ZCCHC2: variants seen among roughly 807,000 people sequenced by gnomAD.
ZCCHC2 encodes the protein zinc finger CCHC domain-containing protein 2.
Under a neutral mutation model 103.6 loss-of-function variants are expected in ZCCHC2, and 39 were observed. That is an observed-to-expected ratio of 0.38 (90% CI 0.29 to 0.49). ZCCHC2 has a LOEUF of 0.49. Ranked by LOEUF, ZCCHC2 falls within the 20% of genes least tolerant of loss-of-function variation. ZCCHC2 has a pLI of 0.96. For missense variants in ZCCHC2, 1,483 were observed against 1,491.0 expected (o/e 0.99, Z 0.09); for synonymous variants, 687 against 608.9 (o/e 1.13, Z -1.89).
chr18:62,578,309 CAGTTG>C lies in ZCCHC2; in HGVS notation c.*1736_*1740del, dbSNP rs1340275666. ...CATTATTAAATTAATTGTTAAGCTG[CAGTTG>C]AGTTGTTCAAGTGAGAGTTTTGATA... On this transcript the variant is annotated 3_prime_UTR_variant, in exon 14 of 14. Transcript: ENST00000269499. The C allele has an allele frequency of 2.6e-5, 4 of 152,532 alleles. No homozygotes were observed. Among genetic ancestry groups the C allele is most frequent in the African/African-American group, 9.7e-5 (4 of 41,416 alleles). The allele number at this position is 152,532 out of a possible 1,614,324, so 9.4% of individuals were successfully genotyped here.
chr18:62,567,944 C>CAAAAAA (rs71888422), intron 11 of ZCCHC2, among the ~76,000 whole-genome samples: 1,904 of 81,306 alleles, frequency 0.023, 104 homozygotes, highest in African/African-American at 0.031. Flanking sequence ...GACTCTGTCT[C>CAAAAAA]AAAAAAAAAA....
At chr18:62,563,376 T>G (rs1446034620) in intron 9 of ZCCHC2, among the ~76,000 whole-genome samples, 4 of 152,142 alleles carry the variant, frequency 2.6e-5, no homozygotes, top group African/African-American at 9.7e-5. Context: ...ATATGACACC[T>G]TCCCAGGCGC....
chr18:62,552,891 T>TAAA (rs35372929), intron 5 of ZCCHC2, among the ~76,000 whole-genome samples: 10 of 141,230 alleles, frequency 7.1e-5, no homozygotes, highest in East Asian at 4.1e-4. Flanking sequence ...CCCTGTCTCT[T>TAAA]AAAAAAAAAA....
intron 12 of ZCCHC2, among the ~76,000 whole-genome samples, chr18:62,573,290 C>G (rs748925132): frequency 5.3e-5 from 8 of 152,226 alleles, no homozygotes. Context: ...CAGATTTTAT[C>G]CTTGTCCCCT....
rs2145478002 is a variant in ZCCHC2 at position 62,523,654 on chromosome 18, C to G, written c.230C>G (p.Ala77Gly). The change falls in exon 1 of 14, where the codon GCG becomes GGG. Residue 77 changes from alanine to glycine, a missense_variant. Physicochemically the swap from Ala to Gly is moderately conservative, Grantham distance 60. This residue lies in a region of ZCCHC2 where 568 missense variants were observed against 525.1 expected (regional missense o/e 1.08). Coordinates refer to ENST00000269499, the MANE Select transcript of ZCCHC2 (RefSeq NM_017742.6). ...LGPPVAGGAA[A>G]GAGMPGGGGG... ...CCGCCTGTTGCTGGTGGAGCGGCGG[C>G]GGGGGCGGGTATGCCGGGCGGCGGC... The G allele has an allele frequency of 7.7e-7, 1 of 1,301,946 alleles. No homozygotes were observed. Among genetic ancestry groups the G allele is most frequent in the Non-Finnish European group, 9.7e-7 (1 of 1,030,980 alleles). The allele number at this position is 1,301,946 out of a possible 1,614,324, so 80.6% of individuals were successfully genotyped here. A position where few individuals can be genotyped will look rare whatever the true frequency, so the allele number is the denominator to read the frequency against.
At chr18:62,583,273 G>A (rs139129490), downstream of ZCCHC2, among the ~76,000 whole-genome samples, 27 of 152,198 alleles carry the variant, frequency 1.8e-4, no homozygotes, top group East Asian at 7.7e-4. Flanking sequence ...CCTTACCCTC[G>A]CAGATTAAAC....
chr18:62,548,994 T>C (rs1278635742), intron 4 of ZCCHC2, among the ~76,000 whole-genome samples: 8 of 149,454 alleles, frequency 5.4e-5, no homozygotes, highest in East Asian at 3.9e-4. Context: ...TCAGGGCGGG[T>C]GGATCACGAG....
chr18:62,524,047 C>T lies in ZCCHC2; in HGVS notation c.623C>T (p.Ala208Val). 2.0e-6 allele frequency: 3 copies of T among 1,467,704 alleles called. No individual in the cohort carries two copies. Among genetic ancestry groups the T allele is most frequent in the African/African-American group, 1.5e-5 (1 of 67,454 alleles). 90.9% of individuals were successfully genotyped at this position (1,467,704 alleles called of 1,614,324 possible). Residue 208 changes from alanine to valine, a missense_variant, in exon 1 of 14, where the codon GCC becomes GTC. Transcript: ENST00000269499. ...VDSVLKSLRA[A>V]RGEGSRGGAE... ...TCGGTGCTCAAAAGCCTGCGCGCGGCCCGGGGCGAGGGCTCGCGGGGCGGC... is the reference window on the plus strand; with the variant it reads ...TCGGTGCTCAAAAGCCTGCGCGCGGTCCGGGGCGAGGGCTCGCGGGGCGGC...
At position 62,523,376 on chromosome 18, in the gene ZCCHC2, G is replaced by GGGGGGGGGGCCCCC; in HGVS notation, c.-49_-48insGGGGGGGGGCCCCC. 4.0e-6 allele frequency: 4 copies of GGGGGGGGGGCCCCC among 1,012,352 alleles called. No homozygotes were observed. Among genetic ancestry groups the GGGGGGGGGGCCCCC allele is most frequent in the Non-Finnish European group, 4.7e-6 (4 of 848,990 alleles). The allele number at this position is 1,012,352 out of a possible 1,614,324, so 62.7% of individuals were successfully genotyped here. ...GCCTCGGCCCGTGCTCCACCTCGCG[G>GGGGGGGGGGCCCCC]CCCCTCCCGCCCGCCCCCGCTCGCA... On this transcript the variant is annotated 5_prime_UTR_variant, in exon 1 of 14. Coordinates refer to ENST00000269499, the MANE Select transcript of ZCCHC2 (RefSeq NM_017742.6).
At chr18:62,553,105 A>G (rs201693653) in intron 5 of ZCCHC2, among the ~76,000 whole-genome samples, 1 of 151,910 alleles carries the variant, frequency 6.6e-6, no homozygotes, top group East Asian at 1.9e-4. Context: ...TGACAGCTAA[A>G]GTAGCCTAAC....
chr18:62,547,921 C>T (rs1286079669), intron 4 of ZCCHC2, among the ~76,000 whole-genome samples: 1 of 152,142 alleles, frequency 6.6e-6, no homozygotes, highest in Non-Finnish European at 1.5e-5. Context: ...AGAATGTCTA[C>T]TCTGTGCAGC....
Position 62,574,412 on chromosome 18 carries a change from T to C in ZCCHC2, c.2331T>C (p.Ala777=). 3 of 1,614,008 alleles carry C rather than the reference T, an allele frequency of 1.9e-6. No homozygotes were observed. The highest frequency in any genetic ancestry group is 2.5e-6 in the Non-Finnish European group (3 of 1,179,890). ...CTGTTGGAATACTAGGGCCAACAGC[T>C]TGCACTGGAGAATCGGAAAAGCACC... ...STPVGILGPT[A]CTGESEKHLE... Residue 777 remains alanine (A), a synonymous_variant, in exon 13 of 14, where the codon GCT becomes GCC. Coordinates refer to ENST00000269499, the MANE Select transcript of ZCCHC2 (RefSeq NM_017742.6).
At chr18:62,546,656 A>G (rs555162560) in intron 4 of ZCCHC2, among the ~76,000 whole-genome samples, 20 of 152,332 alleles carry the variant, frequency 1.3e-4, no homozygotes, top group African/African-American at 4.1e-4. Context: ...CTGAGAGAGC[A>G]TGCAGCTGAC....
intron 12 of ZCCHC2, among the ~76,000 whole-genome samples, chr18:62,571,156 T>C (rs1051705737): frequency 6.6e-6 from 1 of 152,232 alleles, no homozygotes; most frequent in Non-Finnish European, 1.5e-5. Flanking sequence ...TGACTAATTA[T>C]GACAAATGTC....
Position 62,574,559 on chromosome 18 carries a change from C to T in ZCCHC2, c.2478C>T (p.Ser826=), listed in dbSNP as rs1315375063. Residue 826 remains serine, a synonymous_variant, in exon 13 of 14, where the codon AGC becomes AGT. Transcript: ENST00000269499. ...CACCACCACAGGGATCTTCTGAGAG[C>T]TGCACAGTTAACATCCCACAACAAC... is the stretch of plus-strand genomic sequence containing the variant. ...KLPPPQGSSE[S]CTVNIPQQPP... The T allele has an allele frequency of 6.2e-7, 1 of 1,613,876 alleles. No homozygotes were observed. The highest frequency in any genetic ancestry group is 1.3e-5 in the African/African-American group (1 of 74,920).
Position 62,539,400 on chromosome 18 carries a change from T to C in ZCCHC2, c.940-281T>C, listed in dbSNP as rs187296286. On this transcript the variant is annotated intron_variant, in intron 1 of 13. Transcript: ENST00000269499. ...GTAAAGGGCACCATTTGTTATGTGT[T>C]CCTTTGATTTGGATTCAGAATTGAC... is the stretch of plus-strand genomic sequence containing the variant. The C allele has an allele frequency of 7.6e-5, 22 of 288,566 alleles. No individual in the cohort carries two copies. In the East Asian group the frequency reaches 1.6e-3, roughly 21 times the overall value. The allele number at this position is 288,566 out of a possible 1,614,324, so 17.9% of individuals were successfully genotyped here. A position where few individuals can be genotyped will look rare whatever the true frequency, so the allele number is the denominator to read the frequency against.
intron 5 of ZCCHC2, among the ~76,000 whole-genome samples, chr18:62,555,098 A>G (rs1915829100): frequency 2.6e-5 from 4 of 152,238 alleles, no homozygotes; most frequent in Admixed American, 2.6e-4. Context: ...ATCTGTGTGC[A>G]CTATTTGATT....
At chr18:62,578,885 C>T (rs907947472), downstream of ZCCHC2, among the ~76,000 whole-genome samples, 1 of 152,164 alleles carries the variant, frequency 6.6e-6, no homozygotes, top group South Asian at 2.1e-4. Flanking sequence ...CTCCTGCCTC[C>T]GCCTCCTGAG....
intron 7 of ZCCHC2, among the ~76,000 whole-genome samples, chr18:62,559,111 C>T (rs980412523): frequency 2.6e-5 from 4 of 152,160 alleles, no homozygotes; most frequent in Non-Finnish European, 5.9e-5. Context: ...TTAAACTTTT[C>T]AATGTTAATT....
Sources: allele counts gnomAD v4.1 joint callset (sites outside exome capture counted in the v4.1 genomes callset), GRCh38; gene constraint gnomAD v4.1.1; regional missense constraint gnomAD v4.1.1; transcripts MANE v1.5; gene names NCBI Gene and HGNC (gene_info 2026-07-23, HGNC 2026-07-21).